Variants in TGFBR1 observed in about 807,000 individuals in gnomAD.
TGFBR1 encodes TGF-beta receptor type-1.
A neutral mutation model predicts 55.1 loss-of-function variants in TGFBR1; 20 were observed. That is an observed-to-expected ratio of 0.36 (90% confidence interval 0.26 to 0.53). The LOEUF is 0.53. Ranked by LOEUF, TGFBR1 falls within the 20% of genes least tolerant of loss-of-function variation. TGFBR1 has a pLI of 0.91. For synonymous variants in TGFBR1, 220 were observed against 214.8 expected (o/e 1.02, Z -0.21); for missense variants, 385 against 617.6 (o/e 0.62, Z 3.99).
chr9:99,121,806 C>A (rs1424544886), intron 1 of TGFBR1, among the ~76,000 whole-genome samples: 1 of 151,994 alleles, frequency 6.6e-6, no homozygotes, highest in African/African-American at 2.4e-5. Context: ...GGGTCATCAC[C>A]AGCAAAGTCA....
intron 4 of TGFBR1, among the ~76,000 whole-genome samples, chr9:99,139,267 C>A (rs1164427944): frequency 2.0e-5 from 3 of 150,742 alleles, no homozygotes; most frequent in Non-Finnish European, 2.9e-5. Context: ...TTTCCTTCTC[C>A]CACCTTCCAT....
In TGFBR1 at chr9:99,146,589, C is replaced by G. The variant is rs1055315456; in HGVS notation, c.1235C>G (p.Ala412Gly). 6.2e-7 allele frequency: 1 copy of G among 1,613,902 alleles called. No homozygotes were observed. Among genetic ancestry groups the G allele is most frequent in the Non-Finnish European group, 8.5e-7 (1 of 1,179,870 alleles). The change falls in exon 7 of 9, where the codon GCT (alanine) becomes GGT (glycine). Residue 412 changes from alanine (A) to glycine (G), a missense_variant. Transcript: ENST00000374994. The part of the protein sequence containing the change: ...YAMGLVFWEI[A>G]RRCSIGGIHE... ...ATGGGCTTAGTATTCTGGGAAATTG[C>G]TCGACGATGTTCCATTGGTGGTAAA... is the stretch of plus-strand genomic sequence containing the variant.
chr9:99,124,077 A>G (rs1826968055), intron 1 of TGFBR1, among the ~76,000 whole-genome samples: 1 of 152,136 alleles, frequency 6.6e-6, no homozygotes, highest in Admixed American at 6.6e-5. Flanking sequence ...TGCCACTGAG[A>G]AAGAAAACCC....
upstream of TGFBR1, chr9:99,105,061 A>T (rs1197986878): frequency 4.8e-6 from 2 of 415,634 alleles, no homozygotes; most frequent in Non-Finnish European, 6.6e-6. Flanking sequence ...CCCGGCAGCC[A>T]ATGGACGCGC....
At position 99,151,417 on chromosome 9, in the gene TGFBR1, G is replaced by GTTT. The variant is rs199589877; in HGVS notation, c.*2115_*2117dup. On this transcript the variant is annotated 3_prime_UTR_variant, in exon 9 of 9. Transcript: ENST00000374994. ...TTTTTGTTTTTTTTTTTTTGTTGTT[G>GTTT]TTTTTGGGCCATTTCTAAGCCTACC... 6 of 198,670 alleles carry GTTT rather than the reference G, an allele frequency of 3.0e-5. No individual in the cohort carries two copies. The highest frequency in any genetic ancestry group is 1.3e-4 in the African/African-American group (5 of 37,290). The allele number at this position is 198,670 out of a possible 1,614,324, so 12.3% of individuals were successfully genotyped here. A position where few individuals can be genotyped will look rare whatever the true frequency, so the allele number is the denominator to read the frequency against.
intron 1 of TGFBR1, chr9:99,127,978 A>C (rs991494409): frequency 4.4e-6 from 2 of 455,930 alleles, no homozygotes; most frequent in Non-Finnish European, 8.8e-6. Flanking sequence ...TCATAGGAGA[A>C]AGAAAAACAA....
At chr9:99,105,790 T>G (rs971287834) in intron 1 of TGFBR1, among the ~76,000 whole-genome samples, 1 of 151,558 alleles carries the variant, frequency 6.6e-6, no homozygotes, top group Non-Finnish European at 1.5e-5. Context: ...GAGGTTGGGG[T>G]GGAAGGCGGC....
At chr9:99,123,867 G>A (rs1167456266) in intron 1 of TGFBR1, among the ~76,000 whole-genome samples, 1 of 152,138 alleles carries the variant, frequency 6.6e-6, no homozygotes, top group Non-Finnish European at 1.5e-5. Context: ...GGATAATTCT[G>A]TGTGTTTATA....
intron 1 of TGFBR1, among the ~76,000 whole-genome samples, chr9:99,107,319 C>T (rs2118210661): frequency 6.6e-6 from 1 of 152,274 alleles, no homozygotes; most frequent in South Asian, 2.1e-4. Flanking sequence ...AAGACTTGCA[C>T]CTTTTTATGT....
At chr9:99,122,310 G>A (rs532891288) in intron 1 of TGFBR1, among the ~76,000 whole-genome samples, 1 of 152,236 alleles carries the variant, frequency 6.6e-6, no homozygotes, top group South Asian at 2.1e-4. Context: ...AAGGGTGATA[G>A]AAATATCTGT....
chr9:99,117,511 A>C (rs1022821692), intron 1 of TGFBR1, among the ~76,000 whole-genome samples: 1 of 152,100 alleles, frequency 6.6e-6, no homozygotes, highest in African/African-American at 2.4e-5. Context: ...TCTCACATTG[A>C]GATGTATCTG....
rs200679996 is a variant in TGFBR1, at chr9:99,137,866, A to T, written c.582A>T (p.Pro194=). Residue 194 remains proline (P), a synonymous_variant, in exon 4 of 9, where the codon CCA becomes CCT. Transcript: ENST00000374994. ...ATTTATTTTTACCTTTAGGTTTACC[A>T]TTGCTTGTTCAGAGAACAATTGCGA... The part of the protein sequence containing the change: ...MTTSGSGSGL[P]LLVQRTIART... The T allele has an allele frequency of 3.7e-6, 6 of 1,613,610 alleles. No individual in the cohort carries two copies. The highest frequency in any genetic ancestry group is 5.1e-6 in the Non-Finnish European group (6 of 1,179,536).
intron 2 of TGFBR1, 36 bp from the exon 3 acceptor site, chr9:99,132,473 T>A: frequency 6.2e-7 from 1 of 1,612,078 alleles, no homozygotes; most frequent in Non-Finnish European, 8.5e-7. Context: ...GTTTTTGTCG[T>A]TGTTGATGTT....
intron 4 of TGFBR1, among the ~76,000 whole-genome samples, chr9:99,140,469 C>CAACAA (rs375241796): frequency 1.1e-3 from 163 of 151,448 alleles, no homozygotes; most frequent in African/African-American, 3.7e-3. Context: ...AAAAAAACAA[C>CAACAA]AACAAAACAA....
At chr9:99,129,171 G>A (rs1278857318) in intron 2 of TGFBR1, 71 bp downstream of exon 2, 41 of 1,540,202 alleles carry the variant, frequency 2.7e-5, no homozygotes, top group Non-Finnish European at 3.6e-5. Flanking sequence ...TTTAGAACTG[G>A]AAGGGATCAT....
Position 99,149,401 on chromosome 9 carries a change from G to C in TGFBR1, c.*96G>C. ...TGTTCTACCTCACTGAGAGGGAACA[G>C]AAGGATATTGCTTCCTTTTGCAGCA... On this transcript the variant is annotated 3_prime_UTR_variant, in exon 9 of 9. Coordinates refer to ENST00000374994, the MANE Select transcript of TGFBR1 (RefSeq NM_004612.4). The C allele has an allele frequency of 6.6e-7, 1 of 1,517,280 alleles. No homozygotes were observed. Among genetic ancestry groups the C allele is most frequent in the South Asian group, 1.1e-5 (1 of 88,386 alleles). 94.0% of individuals were successfully genotyped at this position (1,517,280 alleles called of 1,614,324 possible).
chr9:99,126,868 C>T (rs1170895664), intron 1 of TGFBR1, among the ~76,000 whole-genome samples: 1 of 152,142 alleles, frequency 6.6e-6, no homozygotes, highest in Non-Finnish European at 1.5e-5. Context: ...GCTGACCTGT[C>T]TATGAATAAA....
chr9:99,128,139 G>C, intron 1 of TGFBR1: 2 of 382,368 alleles, frequency 5.2e-6, no homozygotes, highest in Non-Finnish European at 1.0e-5. Context: ...GAGCCATAAA[G>C]ATCAAGTAGA....
Position 99,149,936 on chromosome 9 carries a change from T to C in TGFBR1, c.*631T>C, listed in dbSNP as rs955470540. On this transcript the variant is annotated 3_prime_UTR_variant, in exon 9 of 9. Transcript: ENST00000374994. ...ACATTACATGCCTTCAAAATGGGAT[T>C]GTACTATACCAGTAAGTGCCACTTC... The C allele has an allele frequency of 5.2e-6, 1 of 194,168 alleles. No individual in the cohort carries two copies. Among genetic ancestry groups the C allele is most frequent in the Non-Finnish European group, 1.1e-5 (1 of 92,934 alleles). The allele number at this position is 194,168 out of a possible 1,614,324, so 12.0% of individuals were successfully genotyped here.
Sources: gnomAD v4.1 joint callset for allele counts (sites outside exome capture counted in the v4.1 genomes callset) on GRCh38, gnomAD v4.1.1 for gene constraint, MANE v1.5 for transcripts, NCBI Gene and HGNC (gene_info 2026-07-23, HGNC 2026-07-21) for gene names.